BAZ2B: variants seen among roughly 807,000 people sequenced by gnomAD.
BAZ2B encodes bromodomain adjacent to zinc finger domain 2B.
A neutral mutation model predicts 246.0 loss-of-function variants in BAZ2B; 91 were observed. The ratio of observed to expected loss-of-function variants is 0.37; its 90% confidence interval spans 0.31 to 0.44. The LOEUF is 0.44. Among genes scored for constraint, BAZ2B ranks in the 20% least tolerant of loss-of-function variants. The pLI is 1.00. For synonymous variants in BAZ2B, 855 were observed against 860.0 expected (o/e 0.99, Z 0.10); for missense variants, 2,332 against 2,533.7 (o/e 0.92, Z 1.71).
At chr2:159,553,744 T>C (rs1267844995) in intron 2 of BAZ2B, among the ~76,000 whole-genome samples, 1 of 152,144 alleles carries the variant, frequency 6.6e-6, no homozygotes, top group Non-Finnish European at 1.5e-5. Flanking sequence ...ATATATTACA[T>C]AATATATAAA....
At chr2:159,388,661 A>G (rs757817427) in intron 21 of BAZ2B, among the ~76,000 whole-genome samples, 1 of 152,184 alleles carries the variant, frequency 6.6e-6, no homozygotes, top group African/African-American at 2.4e-5. Context: ...GAAAATTCAA[A>G]TAAGTGCTTA....
rs758532911 is a variant in BAZ2B at position 159,453,749 on chromosome 2, C to G, written c.198G>C (p.Ser66=). The part of the protein sequence containing the change: ...GDQPFNLSTV[S]SAFPMVSHPV... ...GGTGGCTGACCATTGGGAAGGCACTCGACACTGTGGACAGGTTAAACGGTT... is the reference window on the plus strand; with the variant it reads ...GGTGGCTGACCATTGGGAAGGCACTGGACACTGTGGACAGGTTAAACGGTT... The change falls in exon 4 of 37, where the codon TCG becomes TCC. Residue 66 remains serine, a synonymous_variant. Coordinates refer to ENST00000392783, the MANE Select transcript of BAZ2B (RefSeq NM_013450.4). The G allele has an allele frequency of 6.2e-7, 1 of 1,612,708 alleles. No homozygotes were observed. The highest frequency in any genetic ancestry group is 2.2e-5 in the East Asian group (1 of 44,838).
At chr2:159,656,488 T>C in the BAZ2B span, among the ~76,000 whole-genome samples, 1 of 152,118 alleles carries the variant, frequency 6.6e-6, no homozygotes, top group Non-Finnish European at 1.5e-5. Context: ...CATTTATCCC[T>C]CTCTCTCTAC....
chr2:159,614,322 A>T (rs368264990), intron 1 of BAZ2B, among the ~76,000 whole-genome samples: 4 of 152,314 alleles, frequency 2.6e-5, no homozygotes, highest in African/African-American at 4.8e-5. Context: ...GCGATTATAA[A>T]ATAACTTTTA....
intron 1 of BAZ2B, chr2:159,615,756 T>G (rs1468115719): frequency 1.3e-5 from 2 of 152,016 alleles, no homozygotes; most frequent in African/African-American, 4.8e-5. Context: ...GAAGCAAAAC[T>G]GTTGGCGGCG....
chr2:159,393,644 A>AAGGT (rs1420924223), intron 20 of BAZ2B, among the ~76,000 whole-genome samples: 2 of 152,130 alleles, frequency 1.3e-5, no homozygotes, highest in African/African-American at 4.8e-5. Flanking sequence ...GCTTAGGACA[A>AAGGT]AGGTAGGTAG....
At chr2:159,345,272 T>C (rs2067588447) in intron 31 of BAZ2B, among the ~76,000 whole-genome samples, 1 of 151,974 alleles carries the variant, frequency 6.6e-6, no homozygotes, top group African/African-American at 2.4e-5. Flanking sequence ...TCGTGCTCTA[T>C]ACCACTGTAC....
At chr2:159,676,651 A>ACACACACACG in the BAZ2B span, among the ~76,000 whole-genome samples, 2 of 149,654 alleles carry the variant, frequency 1.3e-5, no homozygotes, top group African/African-American at 4.9e-5. Context: ...CTAAATGCAC[A>ACACACACACG]CACACACACA....
upstream of BAZ2B, among the ~76,000 whole-genome samples, chr2:159,620,592 C>T (rs192964563): frequency 2.0e-5 from 3 of 152,224 alleles, no homozygotes; most frequent in Admixed American, 2.0e-4. Context: ...ATCTCAAATA[C>T]TGAGAGCTTA....
chr2:159,707,226 C>A, the BAZ2B span, among the ~76,000 whole-genome samples: 2 of 151,850 alleles, frequency 1.3e-5, no homozygotes, highest in African/African-American at 4.8e-5. Flanking sequence ...GCCCATGTAC[C>A]ACAGTTTTCC....
intron 1 of BAZ2B, among the ~76,000 whole-genome samples, chr2:159,580,807 G>T (rs1262248666): frequency 6.6e-6 from 1 of 152,084 alleles, no homozygotes; most frequent in African/African-American, 2.4e-5. Context: ...AGAAAAACAA[G>T]CAATGGGGAA....
chr2:159,476,423 A>T (rs2078558381), intron 3 of BAZ2B, among the ~76,000 whole-genome samples: 1 of 152,174 alleles, frequency 6.6e-6, no homozygotes, highest in Admixed American at 6.5e-5. Context: ...GTAGCAAATA[A>T]TGATTAAAAA....
chr2:159,688,227 A>C, the BAZ2B span, among the ~76,000 whole-genome samples: 1 of 151,918 alleles, frequency 6.6e-6, no homozygotes, highest in African/African-American at 2.4e-5. Context: ...TTTTTAGTAG[A>C]GATGAGGTCT....
chr2:159,480,816 A>G lies in BAZ2B; in HGVS notation c.-2-2095T>C, dbSNP rs2079148088. ...AGAAGGGGCTTAACTTCTTAAAAAC[A>G]TATGCTTATGTAACCATTTTCCTTA... On this transcript the variant is annotated intron_variant, in intron 2 of 36. Transcript: ENST00000392783. Among the ~76,000 whole-genome samples the G allele has an allele frequency of 2.6e-5, 4 of 152,172 alleles. No homozygotes were observed. The South Asian group carries it at 8.3e-4, about 32-fold the overall frequency.
chr2:159,711,106 T>C, the BAZ2B span, among the ~76,000 whole-genome samples: 1 of 152,130 alleles, frequency 6.6e-6, no homozygotes, highest in Non-Finnish European at 1.5e-5. Context: ...ATAACAAAGG[T>C]AGTAAGAGGC....
Position 159,432,858 on chromosome 2 carries a change from C to T in BAZ2B, c.1799G>A (p.Ser600Asn), listed in dbSNP as rs1467527692. The stretch of plus-strand genomic sequence containing the variant: ...ATTTGAATCTTCAGAATCTTTACTA[C>T]TGGGAATGTCTGAATCTGTTCCTCT... ...QFRGTDSDIP[S>N]SKDSEDSNED... Residue 600 changes from serine to asparagine, a missense_variant, in exon 9 of 37, where the codon AGT (serine) becomes AAT (asparagine). Physicochemically the swap from Ser to Asn is conservative, Grantham distance 46. Coordinates refer to ENST00000392783, the MANE Select transcript of BAZ2B (RefSeq NM_013450.4). 1.2e-6 allele frequency: 2 copies of T among 1,614,010 alleles called. No homozygotes were observed. The highest frequency in any genetic ancestry group is 1.7e-6 in the Non-Finnish European group (2 of 1,180,012).
In BAZ2B at chr2:159,592,144, GA is replaced by G. The variant is rs531815661; in HGVS notation, c.-46+24097del. On this transcript the variant is annotated intron_variant, in intron 1 of 36. Transcript: ENST00000392783. The stretch of plus-strand genomic sequence containing the variant: ...AAACAAACAAAAAAACAAAGAAAAA[GA>G]AAAAAAAAAGAAATAAACCCATCTG... Among the ~76,000 whole-genome samples, 527 of 144,360 alleles carry G rather than the reference GA, an allele frequency of 3.7e-3. 1 individual carries two copies. Among genetic ancestry groups the G allele is most frequent in the Middle Eastern group, 0.021 (6 of 286 alleles). The allele number at this position is 144,360 out of a possible 152,430, so 94.7% of individuals were successfully genotyped here.
At chr2:159,407,042 G>C (rs529835611) in intron 14 of BAZ2B, among the ~76,000 whole-genome samples, 19 of 151,840 alleles carry the variant, frequency 1.3e-4, no homozygotes, top group East Asian at 2.0e-4. Context: ...GCGTGAGCCA[G>C]CGTGCCCGGC....
At chr2:159,711,323 G>A in the BAZ2B span, among the ~76,000 whole-genome samples, 289 of 152,032 alleles carry the variant, frequency 1.9e-3, no homozygotes, top group Admixed American at 4.6e-3. Context: ...AAGTTAGATT[G>A]GCACTTACAT....
Sources: gnomAD v4.1 joint callset for allele counts (sites outside exome capture counted in the v4.1 genomes callset) on GRCh38, gnomAD v4.1.1 for gene constraint, MANE v1.5 for transcripts, NCBI Gene and HGNC (gene_info 2026-07-23, HGNC 2026-07-21) for gene names.